LBP: variants seen among roughly 807,000 people sequenced by gnomAD.
The protein encoded by LBP is lipopolysaccharide-binding protein.
Under a neutral mutation model 56.6 loss-of-function variants are expected in LBP, and 53 were observed. That is an observed-to-expected ratio of 0.94 (90% CI 0.75 to 1.18). The LOEUF (loss-of-function observed/expected upper bound fraction) is 1.18. Ranked by LOEUF, LBP falls within the 50% of genes most tolerant of loss-of-function variation. LBP has a pLI of 0.00. For missense variants in LBP, 601 were observed against 598.3 expected, an observed-to-expected ratio of 1.00 and a Z score of -0.05; for synonymous variants, 227 against 247.5, an observed-to-expected ratio of 0.92 and a Z score of 0.78.
chr20:38,368,498 C>A (rs1376432863), intron 9 of LBP, among the ~76,000 whole-genome samples: 2 of 152,144 alleles, frequency 1.3e-5, no homozygotes, highest in African/African-American at 4.8e-5. Flanking sequence ...ACTTGGGAGG[C>A]TGCAGAAGGA....
At position 38,361,501 on chromosome 20, in the gene LBP, C is replaced by T. The variant is rs374794642; in HGVS notation, c.652+734C>T. On this transcript the variant is annotated intron_variant, in intron 6 of 14. Transcript: ENST00000217407. ...CTCACTGCAGCCTCAAACTCTTGAG[C>T]TCAAGTGATCCTCCTGCCTCAGCCA... is the stretch of plus-strand genomic sequence containing the variant. Among the ~76,000 whole-genome samples the T allele has an allele frequency of 3.3e-3, 508 of 151,800 alleles. 2 individuals are homozygous for T. The highest frequency in any genetic ancestry group is 0.02 in the South Asian group (98 of 4,804).
At chr20:38,371,407 G>A in intron 12 of LBP, 85 bp downstream of exon 12, 2 of 1,029,190 alleles carry the variant, frequency 1.9e-6, no homozygotes, top group East Asian at 2.5e-5. Flanking sequence ...CCTATAATAG[G>A]AAATACAAAA....
intron 6 of LBP, 62 bp from the exon 7 acceptor site, chr20:38,363,913 C>G: frequency 8.3e-7 from 1 of 1,200,078 alleles, no homozygotes; most frequent in Non-Finnish European, 1.2e-6. Context: ...AGAGCCCTTG[C>G]CCCTCCTCCA....
chr20:38,350,718 T>TA, intron 2 of LBP, 93 bp from the exon 3 acceptor site: 1 of 1,407,772 alleles, frequency 7.1e-7, no homozygotes, highest in Non-Finnish European at 9.6e-7. Flanking sequence ...CCTGCTGGTC[T>TA]AGTCCCCACT....
intron 8 of LBP, among the ~76,000 whole-genome samples, chr20:38,365,682 G>A (rs1264033822): frequency 1.5e-5 from 2 of 129,114 alleles, no homozygotes; most frequent in Non-Finnish European, 3.1e-5. Flanking sequence ...GGGCAACAGA[G>A]TGAGACTGCA....
Position 38,350,856 on chromosome 20 carries a change from T to A in LBP, c.285T>A (p.Pro95=). 1 of 1,613,892 alleles carries A rather than the reference T, an allele frequency of 6.2e-7. No individual in the cohort carries two copies. Among genetic ancestry groups the A allele is most frequent in the Non-Finnish European group, 8.5e-7 (1 of 1,179,840 alleles). Residue 95 remains proline, a synonymous_variant, in exon 3 of 15, where the codon CCT becomes CCA. Coordinates refer to ENST00000217407, the MANE Select transcript of LBP (RefSeq NM_004139.5). ...SCELLHSALR[P]VPGQGLSLSI... ...AGCTGCTTCACTCTGCGCTGAGGCC[T>A]GTCCCTGGCCAGGGCCTGAGTCTCA...
chr20:38,356,556 GCT>G (rs1006332329), intron 5 of LBP, among the ~76,000 whole-genome samples: 8 of 152,012 alleles, frequency 5.3e-5, no homozygotes, highest in African/African-American at 1.9e-4. Flanking sequence ...GGCCAGCTGT[GCT>G]CTTTCTTTTC....
intron 9 of LBP, among the ~76,000 whole-genome samples, chr20:38,368,306 A>C (rs2076889759): frequency 2.0e-5 from 3 of 152,104 alleles, no homozygotes; most frequent in Non-Finnish European, 4.4e-5. Context: ...CGAAAGTTTT[A>C]AAAGCATTGC....
At position 38,369,043 on chromosome 20, in the gene LBP, C is replaced by T. The variant is rs146665734; in HGVS notation, c.1030C>T (p.Pro344Ser). ...NMNLELQGSVPSAPLLNFSPG... is the reference protein window; with the variant it reads ...NMNLELQGSVSSAPLLNFSPG... The stretch of plus-strand genomic sequence containing the variant: ...GAACCTGGAACTCCAGGGATCAGTG[C>T]CCTCTGCTCCGCTCCTGAACTTCAG... The change falls in exon 10 of 15, where the codon CCC becomes TCC. Residue 344 changes from proline (P) to serine (S), a missense_variant. Coordinates refer to ENST00000217407, the MANE Select transcript of LBP (RefSeq NM_004139.5). 5.3e-5 allele frequency: 86 copies of T among 1,614,158 alleles called. No individual in the cohort carries two copies. In the African/African-American group the frequency reaches 9.7e-4, roughly 18 times the overall value.
intron 1 of LBP, among the ~76,000 whole-genome samples, chr20:38,348,833 G>A (rs565371244): frequency 7.5e-4 from 114 of 151,020 alleles, no homozygotes; most frequent in Non-Finnish European, 1.3e-3. Flanking sequence ...TCACTCTGTC[G>A]CCCAGGCTAG....
intron 10 of LBP, among the ~76,000 whole-genome samples, chr20:38,370,489 T>C (rs897388825): frequency 6.6e-6 from 1 of 152,204 alleles, no homozygotes; most frequent in Non-Finnish European, 1.5e-5. Context: ...TACCTTCTCT[T>C]AGTAGTCTGT....
chr20:38,356,896 C>A (rs2076843093), intron 5 of LBP, among the ~76,000 whole-genome samples: 1 of 152,034 alleles, frequency 6.6e-6, no homozygotes, highest in African/African-American at 2.4e-5. Context: ...CACTCTGTCG[C>A]CCAGGCTGGA....
chr20:38,368,039 A>G (rs182782220), intron 9 of LBP, among the ~76,000 whole-genome samples: 25 of 150,972 alleles, frequency 1.7e-4, no homozygotes, highest in African/African-American at 6.0e-4. Context: ...TTTAGAAAGA[A>G]AAGTTAAAAA....
At chr20:38,356,443 CACACACACA>C (rs2076841007) in intron 5 of LBP, among the ~76,000 whole-genome samples, 16 of 148,506 alleles carry the variant, frequency 1.1e-4, no homozygotes, top group African/African-American at 3.6e-4. Flanking sequence ...CACACACACA[CACACACACA>C]CACCCTCGTC....
intron 4 of LBP, among the ~76,000 whole-genome samples, chr20:38,354,678 G>T (rs967699741): frequency 6.6e-6 from 1 of 152,030 alleles, no homozygotes; most frequent in Admixed American, 6.5e-5. Context: ...TCAGGTGAAT[G>T]AAATCTGGCT....
chr20:38,353,865 AGTT>A (rs2076829247), intron 3 of LBP, among the ~76,000 whole-genome samples: 1 of 143,904 alleles, frequency 6.9e-6, no homozygotes, highest in African/African-American at 2.6e-5. Context: ...TTTTCTTTTG[AGTT>A]GTTCTTTCTT....
intron 12 of LBP, among the ~76,000 whole-genome samples, chr20:38,372,089 A>C (rs1008705287): frequency 7.2e-5 from 11 of 152,232 alleles, no homozygotes; most frequent in Non-Finnish European, 4.4e-5. Context: ...AAGGTAGAAA[A>C]AGTGGTGAAG....
At chr20:38,366,504 G>A (rs542545515) in intron 8 of LBP, among the ~76,000 whole-genome samples, 9 of 152,286 alleles carry the variant, frequency 5.9e-5, no homozygotes, top group Middle Eastern at 3.4e-3. Flanking sequence ...GACACAAACC[G>A]AAGTCTGTGT....
intron 9 of LBP, among the ~76,000 whole-genome samples, chr20:38,367,098 G>T (rs1194897784): frequency 6.6e-6 from 1 of 152,142 alleles, no homozygotes; most frequent in Non-Finnish European, 1.5e-5. Context: ...GTACCCTAAT[G>T]AACAGCAGCT....
Sources: allele counts gnomAD v4.1 joint callset (sites outside exome capture counted in the v4.1 genomes callset), GRCh38; gene constraint gnomAD v4.1.1; transcripts MANE v1.5; gene names NCBI Gene and HGNC (gene_info 2026-07-23, HGNC 2026-07-21).